RRBP1: variants seen among roughly 807,000 people sequenced by gnomAD.
RRBP1 encodes the protein ribosome-binding protein 1.
A neutral mutation model predicts 165.2 loss-of-function variants in RRBP1; 94 were observed. The observed-to-expected ratio is 0.57, with a 90% CI of 0.48 to 0.68. RRBP1 has a LOEUF of 0.68. Ranked by LOEUF, RRBP1 falls within the 30% of genes least tolerant of loss-of-function variation. The pLI, the probability that RRBP1 is intolerant of heterozygous loss-of-function variation, is 0.00. For synonymous variants in RRBP1, 680 were observed against 714.5 expected (o/e 0.95, Z 0.77); for missense variants, 1,676 against 1,763.0 (o/e 0.95, Z 0.88).
chr20:17,618,793 C>G (rs1322721657), intron 19 of RRBP1, 114 bp from the exon 20 acceptor site: 1 of 777,186 alleles, frequency 1.3e-6, no homozygotes, highest in Non-Finnish European at 2.2e-6. Context: ...AACCAAAACC[C>G]TGAGGAGGGT....
At chr20:17,628,427 C>T (rs182108083) in intron 9 of RRBP1, among the ~76,000 whole-genome samples, 2 of 152,342 alleles carry the variant, frequency 1.3e-5, no homozygotes, top group Non-Finnish European at 2.9e-5. Flanking sequence ...CCACCTGGGC[C>T]CTGCCCTGTT....
chr20:17,617,986 C>G (rs1568751248), intron 20 of RRBP1, among the ~76,000 whole-genome samples: 1 of 152,212 alleles, frequency 6.6e-6, no homozygotes, highest in Non-Finnish European at 1.5e-5. Context: ...GCATCAGACA[C>G]CTGAGCTGAA....
At chr20:17,622,066 C>G in intron 13 of RRBP1, 119 bp from the exon 14 acceptor site, 1 of 727,910 alleles carries the variant, frequency 1.4e-6, no homozygotes, top group Non-Finnish European at 2.4e-6. Flanking sequence ...CTCAGCTCTT[C>G]AGGGAAGCGA....
At chr20:17,630,773 A>G (rs1411930848) in intron 8 of RRBP1, among the ~76,000 whole-genome samples, 3 of 152,242 alleles carry the variant, frequency 2.0e-5, no homozygotes, top group African/African-American at 4.8e-5. Flanking sequence ...TTATTCATTA[A>G]CAAGCTTGTC....
Position 17,659,356 on chromosome 20 carries a change from C to A in RRBP1, c.1152G>T (p.Gly384=), listed in dbSNP as rs1387246257. 10 of 1,535,934 alleles carry A rather than the reference C, an allele frequency of 6.5e-6. No homozygotes were observed. Among genetic ancestry groups the A allele is most frequent in the African/African-American group, 3.0e-5 (2 of 67,730 alleles). ...CTACTTTTTTGCCCTGGTTCTGAGC[C>A]CCCTCGGCCTTTTTGCCCTGGTTCT... ...GAQNQGKKAE[G]AQNQGKKVEG... Residue 384 remains glycine, a synonymous_variant, in exon 3 of 25, where the codon GGG becomes GGT. Coordinates refer to ENST00000377813, the MANE Select transcript of RRBP1 (RefSeq NM_001365613.2).
chr20:17,632,888 C>T (rs2122318128), intron 8 of RRBP1, among the ~76,000 whole-genome samples: 1 of 152,128 alleles, frequency 6.6e-6, no homozygotes, highest in African/African-American at 2.4e-5. Context: ...GAACAGGCAC[C>T]CTCCTGGGAA....
At chr20:17,651,869 T>C (rs1025824634) in intron 3 of RRBP1, among the ~76,000 whole-genome samples, 3 of 152,196 alleles carry the variant, frequency 2.0e-5, no homozygotes, top group African/African-American at 7.2e-5. Context: ...CATCTGCTCT[T>C]GGAGGAAAAT....
chr20:17,624,295 C>T (rs914205352), intron 13 of RRBP1, among the ~76,000 whole-genome samples: 2 of 152,190 alleles, frequency 1.3e-5, no homozygotes, highest in Admixed American at 6.5e-5. Context: ...GCACTGTGTG[C>T]GTCCTAGTGC....
In RRBP1 at chr20:17,614,202, T is replaced by C; in HGVS notation, c.4213A>G (p.Lys1405Glu). Residue 1405 changes from lysine (K) to glutamate (E), a missense_variant, in exon 25 of 25, where the codon AAG (lysine) becomes GAG (glutamate). Lys to Glu is a moderately conservative substitution (Grantham distance 56, BLOSUM62 1). Transcript: ENST00000377813. ...GAAACTCAGACAGAGGTGCCCTCCT[T>C]TGAGCTGCTGCCGTCCTCCTGTGAA... ...LEKAEDGSSS[K>E]EGTSV The C allele has an allele frequency of 1.2e-6, 2 of 1,613,860 alleles. No individual in the cohort carries two copies. The highest frequency in any genetic ancestry group is 1.7e-6 in the Non-Finnish European group (2 of 1,179,990).
At chr20:17,616,628 G>A (rs10222002) in intron 21 of RRBP1, 104 bp downstream of exon 21, 26,048 of 736,654 alleles carry the variant, frequency 0.035, 977 homozygotes, top group African/African-American at 0.16. Context: ...GGGAAGCAGC[G>A]GAGGCTGGAG....
At chr20:17,639,188 C>T (rs2036301661) in intron 5 of RRBP1, among the ~76,000 whole-genome samples, 1 of 152,208 alleles carries the variant, frequency 6.6e-6, no homozygotes, top group African/African-American at 2.4e-5. Context: ...TCCTCAAACC[C>T]CCAAGAGATT....
At chr20:17,619,130 C>T (rs2035859489) in intron 19 of RRBP1, 1 of 182,178 alleles carries the variant, frequency 5.5e-6, no homozygotes, top group Admixed American at 5.5e-5. Flanking sequence ...GCTATGTTGC[C>T]CAGGCCGGTC....
At chr20:17,636,344 G>C (rs6044922) in intron 6 of RRBP1, among the ~76,000 whole-genome samples, 9,189 of 152,298 alleles carry the variant, frequency 0.06, 685 homozygotes, top group African/African-American at 0.18. Flanking sequence ...TCTTTAAAAT[G>C]TATTTCATAC....
At chr20:17,673,696 C>G (rs527846236) in intron 2 of RRBP1, among the ~76,000 whole-genome samples, 1 of 152,326 alleles carries the variant, frequency 6.6e-6, no homozygotes, top group South Asian at 2.1e-4. Context: ...GGCTGAGCCA[C>G]CATGCCCGGC....
rs1461371004 is a variant in RRBP1 at position 17,658,995 on chromosome 20, C to A, written c.1513G>T (p.Ala505Ser). Residue 505 changes from alanine to serine, a missense_variant, in exon 3 of 25, where the codon GCC becomes TCC. Coordinates refer to ENST00000377813, the MANE Select transcript of RRBP1 (RefSeq NM_001365613.2). ...AQNQGKKAEG[A>S]QNQGQKGEGA... ...TCTCCTTTTTGGCCCTGGTTCTGGGCTCCCTCGGCCTTTTTGCCCTGGTTC... is the reference window on the plus strand; with the variant it reads ...TCTCCTTTTTGGCCCTGGTTCTGGGATCCCTCGGCCTTTTTGCCCTGGTTC... The A allele has an allele frequency of 2.5e-6, 4 of 1,607,936 alleles. No individual in the cohort carries two copies. Among genetic ancestry groups the A allele is most frequent in the Non-Finnish European group, 2.5e-6 (3 of 1,177,284 alleles).
Position 17,627,651 on chromosome 20 carries a change from C to T in RRBP1, c.2781G>A (p.Ala927=), listed in dbSNP as rs557556147. ...GCTCCTCGCATTTGCTGCGCACCTC[C>T]GCCTCGGAGGACTGTAACTTGCTGT... The part of the protein sequence containing the change: ...ELHSKLQSSE[A]EVRSKCEELS... The change falls in exon 10 of 25, where the codon GCG becomes GCA. Residue 927 remains alanine, a synonymous_variant. Transcript: ENST00000377813. 71 of 1,610,548 alleles carry T rather than the reference C, an allele frequency of 4.4e-5. No individual in the cohort carries two copies. The highest frequency in any genetic ancestry group is 3.7e-4 in the Admixed American group (22 of 59,498).
In RRBP1 at chr20:17,645,403, G is replaced by A. The variant is rs1266952515; in HGVS notation, c.1913-2276C>T. 2.6e-5 allele frequency among the ~76,000 whole-genome samples: 4 copies of A among 152,140 alleles called. No individual in the cohort carries two copies. The East Asian group carries it at 5.8e-4, about 22-fold the overall frequency. On this transcript the variant is annotated intron_variant, in intron 3 of 24. Coordinates refer to ENST00000377813, the MANE Select transcript of RRBP1 (RefSeq NM_001365613.2). ...AAAACTTGCAACACGCGAAACAAAC[G>A]CAAAGCTGCGTACAGCAAAATGTTA... is the stretch of plus-strand genomic sequence containing the variant.
chr20:17,658,571 G>C, intron 3 of RRBP1, 25 bp downstream of exon 3: 6 of 1,553,500 alleles, frequency 3.9e-6, no homozygotes, highest in Non-Finnish European at 5.2e-6. Context: ...TTCCTTCTAA[G>C]TTCATAAAGA....
chr20:17,625,539 G>C lies in RRBP1; in HGVS notation c.3027C>G (p.Ala1009=). 6.2e-7 allele frequency: 1 copy of C among 1,613,784 alleles called. No individual in the cohort carries two copies. Among genetic ancestry groups the C allele is most frequent in the Middle Eastern group, 1.7e-4 (1 of 6,060 alleles). Residue 1009 remains alanine, a synonymous_variant, in exon 12 of 25, where the codon GCC becomes GCG. Transcript: ENST00000377813. The part of the protein sequence containing the change: ...LEKEAIELRE[A]VEQQKVKNND... ...TGTTCTTCACTTTCTGCTGCTCGAC[G>C]GCCTCCCTGAGCTCGATGGCCTCCT...
Sources: allele counts gnomAD v4.1 joint callset (sites outside exome capture counted in the v4.1 genomes callset), GRCh38; gene constraint gnomAD v4.1.1; transcripts MANE v1.5; gene names NCBI Gene and HGNC (gene_info 2026-07-23, HGNC 2026-07-21).